The following ST6GAL2 variants were observed in gnomAD, a reference collection of about 807,000 sequenced individuals.
ST6GAL2 encodes beta-galactoside alpha-2,6-sialyltransferase 2.
In ST6GAL2, 24 loss-of-function variants were observed where a neutral mutation model predicts 37.5. The ratio of observed to expected loss-of-function variants is 0.64; its 90% CI spans 0.46 to 0.90. ST6GAL2 has a LOEUF of 0.90. ST6GAL2 is among the 40% of genes least tolerant of loss of function. ST6GAL2 has a pLI of 0.00. For synonymous variants in ST6GAL2, 306 were observed against 295.1 expected (o/e 1.04, Z -0.38); for missense variants, 715 against 712.7 (o/e 1.00, Z -0.04).
chr2:106,845,175 G>A (rs34271213), intron 1 of ST6GAL2, among the ~76,000 whole-genome samples: 12,607 of 152,192 alleles, frequency 0.083, 1,144 homozygotes, highest in East Asian at 0.49. Flanking sequence ...GGCTATGATG[G>A]GTGTTTTGGT....
intron 1 of ST6GAL2, among the ~76,000 whole-genome samples, chr2:106,885,290 G>A (rs568326171): frequency 2.6e-5 from 4 of 151,886 alleles, no homozygotes; most frequent in African/African-American, 2.4e-5. Context: ...CAAATTTTTC[G>A]CATGTCCAAT....
chr2:106,850,204 A>G (rs1049695581), intron 1 of ST6GAL2, among the ~76,000 whole-genome samples: 27 of 152,292 alleles, frequency 1.8e-4, no homozygotes, highest in African/African-American at 6.3e-4. Context: ...GGAAGGGAGA[A>G]GAATGAGAGG....
rs58131869 is a variant in ST6GAL2 at position 106,855,990 on chromosome 2, GAAC to G, written c.-57-11959_-57-11957del. On this transcript the variant is annotated intron_variant, in intron 1 of 5. Coordinates refer to ENST00000409382, the MANE Select transcript of ST6GAL2 (RefSeq NM_001142351.2). ...TTCACAGAGTGCTGAGCTTCCGGTG[GAAC>G]AACGATTACAATCCTGACTTTTACT... Among the ~76,000 whole-genome samples the G allele has an allele frequency of 2.3e-3, 350 of 152,264 alleles. 2 individuals are homozygous for G. The highest frequency in any genetic ancestry group is 8.1e-3 in the African/African-American group (337 of 41,540).
intron 1 of ST6GAL2, among the ~76,000 whole-genome samples, chr2:106,845,842 C>G (rs13405081): frequency 0.057 from 8,686 of 152,160 alleles, 777 homozygotes; most frequent in African/African-American, 0.19. Flanking sequence ...TAGAATATGG[C>G]TGTGGTGATA....
chr2:106,806,856 A>T lies in ST6GAL2; in HGVS notation c.1412T>A (p.Leu471Gln). ...RQTELCHYHE[L>Q]YYDAACTLGA... ...GAGGGTGCAGGCTGCGTCGTAGTACAGCTCGTGGTAGTGGCACAGCTCCGT... is the reference window on the plus strand; with the variant it reads ...GAGGGTGCAGGCTGCGTCGTAGTACTGCTCGTGGTAGTGGCACAGCTCCGT... The change falls in exon 6 of 6, where the codon CTG becomes CAG. Residue 471 changes from leucine (L) to glutamine (Q), a missense_variant. This residue lies in a region of ST6GAL2 where 198 missense variants were observed against 203.6 expected (regional missense o/e 0.97). Coordinates refer to ENST00000409382, the MANE Select transcript of ST6GAL2 (RefSeq NM_001142351.2). 1 of 1,614,184 alleles carries T rather than the reference A, an allele frequency of 6.2e-7. No homozygotes were observed. The highest frequency in any genetic ancestry group is 8.5e-7 in the Non-Finnish European group (1 of 1,180,044).
chr2:106,859,790 T>C (rs1047598251), intron 1 of ST6GAL2, among the ~76,000 whole-genome samples: 2 of 152,180 alleles, frequency 1.3e-5, no homozygotes, highest in African/African-American at 2.4e-5. Context: ...AGATGCTCCA[T>C]GCAGCAGTCG....
chr2:106,876,630 G>A (rs1678513296), intron 1 of ST6GAL2, among the ~76,000 whole-genome samples: 1 of 152,182 alleles, frequency 6.6e-6, no homozygotes, highest in African/African-American at 2.4e-5. Flanking sequence ...GCATCAGGAG[G>A]CTTCTGGGGT....
chr2:106,853,349 A>G (rs1012939350), intron 1 of ST6GAL2, among the ~76,000 whole-genome samples: 5 of 152,234 alleles, frequency 3.3e-5, no homozygotes, highest in African/African-American at 1.2e-4. Flanking sequence ...TAACATTTCC[A>G]AAGAGACTAC....
chr2:106,861,792 G>T (rs1677810317), intron 1 of ST6GAL2, among the ~76,000 whole-genome samples: 1 of 151,812 alleles, frequency 6.6e-6, no homozygotes, highest in Non-Finnish European at 1.5e-5. Context: ...CACCAAGCCT[G>T]GCTAATTTTT....
At chr2:106,845,239 T>C (rs1260825589) in intron 1 of ST6GAL2, among the ~76,000 whole-genome samples, 1 of 152,204 alleles carries the variant, frequency 6.6e-6, no homozygotes, top group Non-Finnish European at 1.5e-5. Flanking sequence ...ATTGGAAAGC[T>C]ATCCTCTTCC....
rs1184086962 is a variant in ST6GAL2, at chr2:106,803,840, T to G, written c.*2838A>C. On this transcript the variant is annotated 3_prime_UTR_variant, in exon 6 of 6. Transcript: ENST00000409382. ...AAATTCAGTGAGCTGCCACTTACTG[T>G]TAACTACTCCACAGAAGAACTATAT... is the stretch of plus-strand genomic sequence containing the variant. The G allele has an allele frequency of 6.6e-6, 1 of 152,134 alleles. No homozygotes were observed. The highest frequency in any genetic ancestry group is 2.4e-5 in the African/African-American group (1 of 41,432). 9.4% of individuals were successfully genotyped at this position (152,134 alleles called of 1,614,324 possible).
rs754373056 is a variant in ST6GAL2 at position 106,813,114 on chromosome 2, G to T, written c.1319-6165C>A. On this transcript the variant is annotated intron_variant, in intron 5 of 5. Coordinates refer to ENST00000409382, the MANE Select transcript of ST6GAL2 (RefSeq NM_001142351.2). The stretch of plus-strand genomic sequence containing the variant: ...GAATGTTAAGTTTCTTATATGGCCA[G>T]TTTTTTTTTTTTTTTTGAGATGGAG... 1,769 of 1,138,770 alleles carry T rather than the reference G, an allele frequency of 1.6e-3. 15 individuals carry two copies. The African/African-American group carries it at 0.021, about 13-fold the overall frequency. 70.5% of individuals were successfully genotyped at this position (1,138,770 alleles called of 1,614,324 possible). A position where few individuals can be genotyped will look rare whatever the true frequency, so the allele number is the denominator to read the frequency against.
In ST6GAL2 at chr2:106,824,632, A is replaced by AAAAC. The variant is rs1209402201; in HGVS notation, c.1318+5430_1318+5433dup. On this transcript the variant is annotated intron_variant, in intron 5 of 5. Coordinates refer to ENST00000409382, the MANE Select transcript of ST6GAL2 (RefSeq NM_001142351.2). ...GGATGACAGAGTGAGAGTCCGTCTCAAAACAAACAAACAAACAGAAACATC... is the reference window on the plus strand; with the variant it reads ...GGATGACAGAGTGAGAGTCCGTCTCAAAACAAACAAACAAACAAACAGAAACATC... Among the ~76,000 whole-genome samples, 6 of 152,330 alleles carry AAAAC rather than the reference A, an allele frequency of 3.9e-5. No individual in the cohort carries two copies. In the East Asian group the frequency reaches 5.8e-4, roughly 15 times the overall value.
intron 1 of ST6GAL2, among the ~76,000 whole-genome samples, chr2:106,862,931 T>G (rs1411321104): frequency 6.6e-6 from 1 of 151,816 alleles, no homozygotes; most frequent in East Asian, 1.9e-4. Flanking sequence ...TTTCCCAACC[T>G]AAAAATAAAT....
chr2:106,860,814 G>C (rs1677769060), intron 1 of ST6GAL2, among the ~76,000 whole-genome samples: 1 of 152,144 alleles, frequency 6.6e-6, no homozygotes, highest in Non-Finnish European at 1.5e-5. Context: ...AATGGTTTTG[G>C]CTAAAACTCA....
At chr2:106,808,477 T>C (rs17033297) in intron 5 of ST6GAL2, among the ~76,000 whole-genome samples, 14,411 of 152,224 alleles carry the variant, frequency 0.095, 934 homozygotes, top group African/African-American at 0.14. Flanking sequence ...CTCAAGTTAC[T>C]GGGTCAATTC....
intron 1 of ST6GAL2, among the ~76,000 whole-genome samples, chr2:106,883,576 A>AT (rs1190310866): frequency 2.7e-5 from 4 of 150,072 alleles, no homozygotes; most frequent in African/African-American, 7.6e-5. Flanking sequence ...ATTTCATCCC[A>AT]TTTTTTTTAA....
chr2:106,854,991 G>C (rs1677518974), intron 1 of ST6GAL2, among the ~76,000 whole-genome samples: 1 of 151,088 alleles, frequency 6.6e-6, no homozygotes, highest in African/African-American at 2.4e-5. Context: ...GTCAGGGACT[G>C]AATACCTGAC....
chr2:106,858,414 C>A (rs1485167941), intron 1 of ST6GAL2, among the ~76,000 whole-genome samples: 2 of 152,182 alleles, frequency 1.3e-5, no homozygotes, highest in East Asian at 3.9e-4. Context: ...TTCCTCCATT[C>A]ACAGTGATAA....
Sources: allele counts gnomAD v4.1 joint callset (sites outside exome capture counted in the v4.1 genomes callset), GRCh38; gene constraint gnomAD v4.1.1; regional missense constraint gnomAD v4.1.1; transcripts MANE v1.5; gene names NCBI Gene and HGNC (gene_info 2026-07-23, HGNC 2026-07-21).